Variants in ADCY2 observed in about 807,000 individuals in gnomAD.
ADCY2 encodes the protein adenylate cyclase 2.
ADCY2 carries 31 observed loss-of-function variants against 125.2 expected under a neutral mutation model. The ratio of observed to expected loss-of-function variants is 0.25; its 90% confidence interval spans 0.19 to 0.33. The LOEUF is 0.33. Among genes scored for constraint, ADCY2 ranks in the 10% least tolerant of loss-of-function variants. The pLI, the probability that ADCY2 is intolerant of heterozygous loss-of-function variation, is 1.00. For synonymous variants in ADCY2, 512 were observed against 548.4 expected (o/e 0.93, Z 0.93); for missense variants, 904 against 1,418.2 (o/e 0.64, Z 5.82).
intron 3 of ADCY2, among the ~76,000 whole-genome samples, chr5:7,530,673 C>G (rs536934314): frequency 5.1e-4 from 78 of 152,244 alleles, no homozygotes; most frequent in African/African-American, 1.9e-3. Flanking sequence ...TTCCTGGTGG[C>G]TTCATCCTCT....
chr5:7,801,648 GA>G (rs1744597223), intron 20 of ADCY2: 1 of 152,262 alleles, frequency 6.6e-6, no homozygotes, highest in South Asian at 2.1e-4. Context: ...AAAGAACTAT[GA>G]GCTTCTTCCT....
intron 12 of ADCY2, among the ~76,000 whole-genome samples, chr5:7,723,419 A>C (rs185146707): frequency 6.4e-4 from 97 of 152,276 alleles, no homozygotes; most frequent in Non-Finnish European, 7.6e-4. Context: ...CAAGCTAATC[A>C]TGGTGTGTGC....
chr5:7,772,852 G>T, intron 17 of ADCY2, 80 bp from the exon 18 acceptor site: 1 of 1,378,970 alleles, frequency 7.3e-7, no homozygotes, highest in Non-Finnish European at 1.0e-6. Context: ...TGAGATGGGC[G>T]GTGGTCCCCT....
At chr5:7,497,521 T>G (rs982493713) in intron 2 of ADCY2, among the ~76,000 whole-genome samples, 21 of 152,144 alleles carry the variant, frequency 1.4e-4, no homozygotes, top group Non-Finnish European at 2.6e-4. Context: ...CCTCATAATC[T>G]AAATTTTTTC....
At chr5:7,705,096 G>A (rs951356066) in intron 7 of ADCY2, among the ~76,000 whole-genome samples, 8 of 152,260 alleles carry the variant, frequency 5.3e-5, no homozygotes, top group South Asian at 2.1e-4. Flanking sequence ...GAAACGCCAC[G>A]TGGTTGGAAA....
intron 24 of ADCY2, among the ~76,000 whole-genome samples, chr5:7,823,185 G>A (rs564864137): frequency 2.0e-5 from 3 of 152,326 alleles, no homozygotes; most frequent in African/African-American, 7.2e-5. Flanking sequence ...TATTCAGATT[G>A]AGTCAACACT....
chr5:7,690,457 A>T (rs985202319), intron 4 of ADCY2: 1 of 336,194 alleles, frequency 3.0e-6, no homozygotes, highest in Non-Finnish European at 5.3e-6. Context: ...TTTATTCTTC[A>T]TACTGAAGAA....
intron 23 of ADCY2, among the ~76,000 whole-genome samples, chr5:7,819,202 C>T (rs1357114219): frequency 6.6e-6 from 1 of 152,128 alleles, no homozygotes; most frequent in African/African-American, 2.4e-5. Context: ...TCTGCCTTTC[C>T]CAATCCACTC....
chr5:7,801,625 C>T (rs1399694014), intron 20 of ADCY2: 3 of 152,238 alleles, frequency 2.0e-5, no homozygotes. Flanking sequence ...CAATTTAACT[C>T]ATGTCTGTGG....
rs141442997 is a variant in ADCY2, at chr5:7,771,625, A to G, written c.2215-1307A>G. Among the ~76,000 whole-genome samples the G allele has an allele frequency of 7.9e-5, 12 of 152,250 alleles. No individual in the cohort carries two copies. In the East Asian group the frequency reaches 2.1e-3, roughly 27 times the overall value. On this transcript the variant is annotated intron_variant, in intron 17 of 24. Transcript: ENST00000338316. ...TTACAAAGAGAAAGCCTGCCATATGATCACTGCAAGCTCCTATTCCCAACT... is the reference window on the plus strand; with the variant it reads ...TTACAAAGAGAAAGCCTGCCATATGGTCACTGCAAGCTCCTATTCCCAACT...
chr5:7,457,861 A>G (rs1053958673), intron 2 of ADCY2, among the ~76,000 whole-genome samples: 7 of 152,250 alleles, frequency 4.6e-5, no homozygotes, highest in African/African-American at 1.7e-4. Context: ...GTTATCAGTG[A>G]GGATGGCAGT....
intron 15 of ADCY2, among the ~76,000 whole-genome samples, chr5:7,756,835 CT>C (rs372202772): frequency 2.2e-4 from 34 of 152,286 alleles, no homozygotes; most frequent in African/African-American, 8.2e-4. Context: ...TTATGTGTTT[CT>C]AACACCGTTA....
At chr5:7,797,529 G>A (rs1055783084) in intron 20 of ADCY2, 2 of 152,260 alleles carry the variant, frequency 1.3e-5, no homozygotes, top group African/African-American at 4.8e-5. Context: ...GGCAGGGCTT[G>A]TGTTCTTTTC....
chr5:7,427,168 T>G (rs1487308111), intron 2 of ADCY2, among the ~76,000 whole-genome samples: 1 of 152,138 alleles, frequency 6.6e-6, no homozygotes, highest in Non-Finnish European at 1.5e-5. Flanking sequence ...TCCCTTGGCT[T>G]GCAGCTGTGA....
chr5:7,712,803 A>G (rs1741480998), intron 10 of ADCY2, 53 bp from the exon 11 acceptor site: 4 of 1,258,158 alleles, frequency 3.2e-6, no homozygotes, highest in East Asian at 2.3e-5. Context: ...TATCATTGCA[A>G]CATTCTTCTT....
intron 4 of ADCY2, among the ~76,000 whole-genome samples, chr5:7,685,599 C>G (rs1740496186): frequency 6.6e-6 from 1 of 152,100 alleles, no homozygotes; most frequent in South Asian, 2.1e-4. Context: ...TGATATGAAG[C>G]AAAAATTCTA....
chr5:7,786,711 G>A (rs762989713), intron 19 of ADCY2, among the ~76,000 whole-genome samples: 5 of 152,146 alleles, frequency 3.3e-5, no homozygotes, highest in Non-Finnish European at 5.9e-5. Context: ...AGCTTAAACA[G>A]CAGCACATTG....
chr5:7,481,069 A>G (rs928057713), intron 2 of ADCY2, among the ~76,000 whole-genome samples: 2 of 152,246 alleles, frequency 1.3e-5, no homozygotes, highest in East Asian at 1.9e-4. Flanking sequence ...GCTGTTCTCC[A>G]TAGTGGTTGG....
intron 4 of ADCY2, among the ~76,000 whole-genome samples, chr5:7,671,723 A>G (rs1311322205): frequency 1.3e-5 from 2 of 152,202 alleles, no homozygotes; most frequent in Non-Finnish European, 2.9e-5. Flanking sequence ...TCTGACTGCT[A>G]GAGAATTAGC....
Sources: gnomAD v4.1 joint callset for allele counts (sites outside exome capture counted in the v4.1 genomes callset) on GRCh38, gnomAD v4.1.1 for gene constraint, MANE v1.5 for transcripts, NCBI Gene and HGNC (gene_info 2026-07-23, HGNC 2026-07-21) for gene names.